The following CSMD1 variants were observed in gnomAD, a reference collection of about 807,000 sequenced individuals.
CSMD1 encodes the protein CUB and sushi domain-containing protein 1.
CSMD1 carries 213 observed loss-of-function variants against 417.5 expected under a neutral mutation model. The ratio of observed to expected loss-of-function variants is 0.51; its 90% CI spans 0.46 to 0.57. The LOEUF is 0.57. CSMD1 is among the 20% of genes least tolerant of loss of function. The pLI, the probability that CSMD1 is intolerant of heterozygous loss-of-function variation, is 0.00. For synonymous variants in CSMD1, 2,862 were observed against 1,736.8 expected (o/e 1.65, Z -16.11); for missense variants, 6,923 against 4,529.7 (o/e 1.53, Z -15.17).
intron 5 of CSMD1, among the ~76,000 whole-genome samples, chr8:3,775,335 C>T (rs1798839412): frequency 1.3e-5 from 2 of 152,106 alleles, no homozygotes; most frequent in African/African-American, 4.8e-5. Flanking sequence ...GCAATGTATC[C>T]TACGCCTTCA....
intron 4 of CSMD1, among the ~76,000 whole-genome samples, chr8:3,998,392 ATTGATAGGCAGC>A (rs1815392837): frequency 6.6e-6 from 1 of 152,208 alleles, no homozygotes; most frequent in African/African-American, 2.4e-5. Context: ...TGTACCTGAC[ATTGATAGGCAGC>A]CTAACAAGAT....
At chr8:4,273,917 C>T (rs1448703527) in intron 3 of CSMD1, among the ~76,000 whole-genome samples, 3 of 152,162 alleles carry the variant, frequency 2.0e-5, no homozygotes, top group Admixed American at 6.6e-5. Flanking sequence ...ACCATTATCA[C>T]TGGATTACTT....
chr8:4,153,350 T>C (rs1381334556), intron 3 of CSMD1, among the ~76,000 whole-genome samples: 2 of 152,182 alleles, frequency 1.3e-5, no homozygotes, highest in East Asian at 1.9e-4. Context: ...CTTGACTGTG[T>C]CTCTTTCTAC....
chr8:4,144,797 G>C (rs1013812515), intron 3 of CSMD1, among the ~76,000 whole-genome samples: 4 of 150,990 alleles, frequency 2.6e-5, no homozygotes, highest in African/African-American at 7.4e-5. Context: ...TTGTCAGTAA[G>C]AGTTGCATCA....
chr8:3,839,162 CCT>C (rs1277430018), intron 5 of CSMD1, among the ~76,000 whole-genome samples: 4 of 121,504 alleles, frequency 3.3e-5, no homozygotes, highest in Non-Finnish European at 4.8e-5. Flanking sequence ...ATCTATAGTC[CCT>C]CTCTCTATAT....
rs1331187679 is a variant in CSMD1, at chr8:3,178,532, T to C, written c.5725+2578A>G. Among the ~76,000 whole-genome samples, 4 of 152,290 alleles carry C rather than the reference T, an allele frequency of 2.6e-5. No individual in the cohort carries two copies. In the South Asian group the frequency reaches 8.3e-4, roughly 32 times the overall value. On this transcript the variant is annotated intron_variant, in intron 37 of 69. Transcript: ENST00000635120. ...TCAGTAAATGGTATTCGTAATAAAA[T>C]GCACTTTTCATGCCTGCCTCTGCAT...
At chr8:3,137,010 G>A (rs185034643) in intron 41 of CSMD1, among the ~76,000 whole-genome samples, 26 of 152,150 alleles carry the variant, frequency 1.7e-4, no homozygotes, top group Non-Finnish European at 3.1e-4. Context: ...GGTACATAGT[G>A]ATGTTTCAAT....
intron 3 of CSMD1, among the ~76,000 whole-genome samples, chr8:4,044,026 T>TA (rs201522590): frequency 1.0e-3 from 138 of 138,172 alleles, no homozygotes; most frequent in African/African-American, 2.1e-3. Context: ...AAAGCTTAAT[T>TA]AAAAAAAAAC....
intron 3 of CSMD1, among the ~76,000 whole-genome samples, chr8:4,267,660 G>A (rs532499006): frequency 1.3e-5 from 2 of 151,956 alleles, no homozygotes; most frequent in South Asian, 2.1e-4. Context: ...CATACTTCGT[G>A]TTTAGGCTTT....
At chr8:4,117,686 A>G (rs1265981386) in intron 3 of CSMD1, among the ~76,000 whole-genome samples, 2 of 152,190 alleles carry the variant, frequency 1.3e-5, no homozygotes, top group Non-Finnish European at 2.9e-5. Flanking sequence ...TATACCTGAC[A>G]CTGGCCTTCT....
chr8:4,525,356 C>A (rs1183579902), intron 2 of CSMD1, among the ~76,000 whole-genome samples: 1 of 152,100 alleles, frequency 6.6e-6, no homozygotes, highest in Non-Finnish European at 1.5e-5. Context: ...GAGTGAGAAA[C>A]CTCCAATCTT....
intron 26 of CSMD1, among the ~76,000 whole-genome samples, chr8:3,264,668 G>A (rs1463393622): frequency 1.3e-5 from 2 of 152,174 alleles, no homozygotes; most frequent in Non-Finnish European, 1.5e-5. Flanking sequence ...CATCAAAACT[G>A]TGGGGTCGTA....
chr8:4,457,492 A>G (rs560061823), intron 2 of CSMD1, among the ~76,000 whole-genome samples: 232 of 152,286 alleles, frequency 1.5e-3, no homozygotes, highest in African/African-American at 5.1e-3. Flanking sequence ...GTAGTTTTCT[A>G]TAAGAAATGA....
intron 3 of CSMD1, among the ~76,000 whole-genome samples, chr8:4,166,484 C>G (rs951765398): frequency 1.3e-5 from 2 of 152,020 alleles, no homozygotes; most frequent in African/African-American, 2.4e-5. Context: ...AGGCCATTAC[C>G]CTAAGTTAAG....
chr8:4,958,457 A>C (rs1352856546), intron 1 of CSMD1, among the ~76,000 whole-genome samples: 1 of 152,226 alleles, frequency 6.6e-6, no homozygotes, highest in Non-Finnish European at 1.5e-5. Flanking sequence ...GTATTAACAG[A>C]AAACTGCAAT....
intron 2 of CSMD1, among the ~76,000 whole-genome samples, chr8:4,459,098 G>A (rs1194668767): frequency 2.0e-5 from 3 of 152,144 alleles, no homozygotes; most frequent in African/African-American, 7.2e-5. Flanking sequence ...TCCAGCCAGG[G>A]TACGCTTCTA....
chr8:3,910,355 A>C lies in CSMD1; in HGVS notation c.818+87548T>G, dbSNP rs188698265. On this transcript the variant is annotated intron_variant, in intron 5 of 69. Transcript: ENST00000635120. ...AAACTGACGACAGGGTGGCAGGTGC[A>C]CCGAGGCCACAGAATGCACCAGGAA... is the stretch of plus-strand genomic sequence containing the variant. Among the ~76,000 whole-genome samples the C allele has an allele frequency of 3.9e-5, 6 of 152,150 alleles. No homozygotes were observed. In the East Asian group the frequency reaches 1.2e-3, roughly 29 times the overall value.
At chr8:3,006,235 A>G (rs13258007) in intron 52 of CSMD1, among the ~76,000 whole-genome samples, 7,565 of 151,774 alleles carry the variant, frequency 0.05, 186 homozygotes, top group East Asian at 0.07. Context: ...GGACCTCTTC[A>G]AGGAGAACTA....
intron 5 of CSMD1, among the ~76,000 whole-genome samples, chr8:3,874,034 C>T (rs73493820): frequency 6.6e-6 from 1 of 152,208 alleles, no homozygotes; most frequent in Non-Finnish European, 1.5e-5. Context: ...AAATTAGCAT[C>T]TGTAAAGCTT....
Sources: allele counts gnomAD v4.1 joint callset (sites outside exome capture counted in the v4.1 genomes callset), GRCh38; gene constraint gnomAD v4.1.1; transcripts MANE v1.5; gene names NCBI Gene and HGNC (gene_info 2026-07-23, HGNC 2026-07-21).